The following RAB3C variants were observed in gnomAD, a reference collection of about 807,000 sequenced individuals.
RAB3C encodes ras-related protein Rab-3C.
A neutral mutation model predicts 26.4 loss-of-function variants in RAB3C; 17 were observed. That is an observed-to-expected ratio of 0.64 (90% CI 0.44 to 0.97). The LOEUF (loss-of-function observed/expected upper bound fraction) is 0.97, where lower values mean the gene tolerates loss of function less well. Ranked by LOEUF, RAB3C falls within the 50% of genes least tolerant of loss-of-function variation. The pLI, the probability that RAB3C is intolerant of heterozygous loss-of-function variation, is 0.00. For missense variants in RAB3C, 242 were observed against 281.9 expected (o/e 0.86, Z 1.01); for synonymous variants, 91 against 95.9 (o/e 0.95, Z 0.30).
At chr5:58,712,110 C>T (rs1425260722) in intron 2 of RAB3C, among the ~76,000 whole-genome samples, 1 of 152,160 alleles carries the variant, frequency 6.6e-6, no homozygotes, top group African/African-American at 2.4e-5. Context: ...CAACCGTCCC[C>T]GTTCCTGGAG....
intron 1 of RAB3C, among the ~76,000 whole-genome samples, chr5:58,586,496 A>C (rs1746010743): frequency 6.6e-6 from 1 of 152,080 alleles, no homozygotes; most frequent in African/African-American, 2.4e-5. Context: ...GCATAAACTA[A>C]ACAGAATATT....
At position 58,710,460 on chromosome 5, in the gene RAB3C, A is replaced by G. The variant is rs1484477771; in HGVS notation, c.253-15542A>G. ...CTAAAAATACAAAAATTAGCCCAGCATGGTGGCACACGCCTGTAATCTCAG... is the reference window on the plus strand; with the variant it reads ...CTAAAAATACAAAAATTAGCCCAGCGTGGTGGCACACGCCTGTAATCTCAG... On this transcript the variant is annotated intron_variant, in intron 2 of 4. Coordinates refer to ENST00000282878, the MANE Select transcript of RAB3C (RefSeq NM_138453.4). Among the ~76,000 whole-genome samples, 5 of 151,792 alleles carry G rather than the reference A, an allele frequency of 3.3e-5. No homozygotes were observed. The East Asian group carries it at 7.8e-4, about 24-fold the overall frequency.
intron 3 of RAB3C, among the ~76,000 whole-genome samples, chr5:58,775,694 A>C (rs540712263): frequency 6.6e-6 from 1 of 152,164 alleles, no homozygotes; most frequent in Non-Finnish European, 1.5e-5. Context: ...TTGATAACTA[A>C]ATTTTTTTTT....
intron 3 of RAB3C, among the ~76,000 whole-genome samples, chr5:58,780,934 T>A (rs897015698): frequency 1.3e-5 from 2 of 152,086 alleles, no homozygotes; most frequent in African/African-American, 4.8e-5. Context: ...TTTAGTATTT[T>A]ATTATTAATT....
At chr5:58,845,612 A>ATATATATATACATATATGTGTGTGTGTG in intron 4 of RAB3C, among the ~76,000 whole-genome samples, 1 of 81,744 alleles carries the variant, frequency 1.2e-5, no homozygotes, top group Non-Finnish European at 2.4e-5. Flanking sequence ...ATATATATAT[A>ATATATATATACATATATGTGTGTGTGTG]TGTGTGTGTG....
At chr5:58,847,367 T>TA (rs1744027674) in intron 4 of RAB3C, among the ~76,000 whole-genome samples, 1 of 152,206 alleles carries the variant, frequency 6.6e-6, no homozygotes, top group Non-Finnish European at 1.5e-5. Flanking sequence ...AGATTGGAAG[T>TA]GATCTTCAAA....
At chr5:58,826,650 C>T (rs2112061238) in intron 4 of RAB3C, among the ~76,000 whole-genome samples, 1 of 152,268 alleles carries the variant, frequency 6.6e-6, no homozygotes, top group Non-Finnish European at 1.5e-5. Flanking sequence ...TTACAAAACA[C>T]ATTTTAACTT....
intron 3 of RAB3C, among the ~76,000 whole-genome samples, chr5:58,737,241 C>T (rs1741158510): frequency 6.6e-6 from 1 of 151,552 alleles, no homozygotes; most frequent in Non-Finnish European, 1.5e-5. Context: ...TTATGGTAGC[C>T]CACATACCTC....
At chr5:58,820,323 G>A (rs1488590496) in intron 3 of RAB3C, among the ~76,000 whole-genome samples, 1 of 152,048 alleles carries the variant, frequency 6.6e-6, no homozygotes, top group Non-Finnish European at 1.5e-5. Flanking sequence ...TTGTAAAATA[G>A]TTTTGATCCT....
At chr5:58,670,686 T>A (rs1199406561) in intron 2 of RAB3C, among the ~76,000 whole-genome samples, 1 of 152,182 alleles carries the variant, frequency 6.6e-6, no homozygotes, top group Non-Finnish European at 1.5e-5. Flanking sequence ...GTTTAGACTG[T>A]CCGCCCGAAG....
chr5:58,693,334 GTGTA>G (rs1748613544), intron 2 of RAB3C, among the ~76,000 whole-genome samples: 1 of 83,832 alleles, frequency 1.2e-5, no homozygotes, highest in African/African-American at 4.7e-5. Context: ...ATATATATAT[GTGTA>G]TATATATATA....
intron 3 of RAB3C, among the ~76,000 whole-genome samples, chr5:58,782,478 A>C (rs1347716305): frequency 6.6e-6 from 1 of 152,182 alleles, no homozygotes; most frequent in African/African-American, 2.4e-5. Flanking sequence ...AATACTCATT[A>C]TGCCCACCAT....
chr5:58,639,296 A>G (rs536991263), intron 2 of RAB3C, among the ~76,000 whole-genome samples: 42 of 152,340 alleles, frequency 2.8e-4, no homozygotes, highest in African/African-American at 9.6e-4. Context: ...ATATATCTTT[A>G]CATTGTCTTT....
chr5:58,740,769 G>C (rs1212863346), intron 3 of RAB3C, among the ~76,000 whole-genome samples: 2 of 152,066 alleles, frequency 1.3e-5, no homozygotes, highest in East Asian at 3.9e-4. Flanking sequence ...GCAGTGAGCT[G>C]AGATCATGCC....
At chr5:58,807,560 G>A (rs758054742) in intron 3 of RAB3C, among the ~76,000 whole-genome samples, 4 of 152,160 alleles carry the variant, frequency 2.6e-5, no homozygotes, top group African/African-American at 9.7e-5. Flanking sequence ...TTCCTGGCAC[G>A]AGCTGTCTTC....
chr5:58,822,379 T>C (rs894446618), intron 3 of RAB3C: 1 of 152,626 alleles, frequency 6.6e-6, no homozygotes, highest in African/African-American at 2.4e-5. Flanking sequence ...TAAGTTATTC[T>C]AAGGATTAAA....
In RAB3C at chr5:58,662,315, A is replaced by G. The variant is rs530219573; in HGVS notation, c.252+44445A>G. Among the ~76,000 whole-genome samples the G allele has an allele frequency of 2.4e-4, 36 of 150,364 alleles. 1 individual carries two copies. In the South Asian group the frequency reaches 5.2e-3, roughly 22 times the overall value. On this transcript the variant is annotated intron_variant, in intron 2 of 4. Coordinates refer to ENST00000282878, the MANE Select transcript of RAB3C (RefSeq NM_138453.4). ...AAATAGAGGGGTGTGCTGTTGTTCA[A>G]TAATACAAAATTATGATTGTAGAGT...
At chr5:58,700,242 A>G (rs771392598) in intron 2 of RAB3C, among the ~76,000 whole-genome samples, 2 of 152,242 alleles carry the variant, frequency 1.3e-5, no homozygotes, top group Non-Finnish European at 2.9e-5. Context: ...AGTTAATTAA[A>G]TACTTTAAAA....
At chr5:58,813,329 T>G (rs1273454527) in intron 3 of RAB3C, among the ~76,000 whole-genome samples, 1 of 152,080 alleles carries the variant, frequency 6.6e-6, no homozygotes, top group Non-Finnish European at 1.5e-5. Flanking sequence ...ATACATGGTT[T>G]AGCAAGGCTG....
Sources: allele counts gnomAD v4.1 joint callset (sites outside exome capture counted in the v4.1 genomes callset), GRCh38; gene constraint gnomAD v4.1.1; transcripts MANE v1.5; gene names NCBI Gene and HGNC (gene_info 2026-07-23, HGNC 2026-07-21).